Variants in BRSK2 observed in about 807,000 individuals in gnomAD.
BRSK2 encodes the protein BR serine/threonine kinase 2, also known as serine/threonine-protein kinase BRSK2.
Under a neutral mutation model 83.3 loss-of-function variants are expected in BRSK2, and 19 were observed. The ratio of observed to expected loss-of-function variants is 0.23; its 90% CI spans 0.16 to 0.33. BRSK2 has a LOEUF of 0.33. Among genes scored for constraint, BRSK2 ranks in the 10% least tolerant of loss-of-function variants. The pLI is 1.00. For missense variants in BRSK2, 798 were observed against 1,042.3 expected, an observed-to-expected ratio of 0.77 and a Z score of 3.23; for synonymous variants, 519 against 435.4, an observed-to-expected ratio of 1.19 and a Z score of -2.39.
Position 1,436,145 on chromosome 11 carries a change from CCGGGGAGGGAG to C in BRSK2, c.186+12_186+22del. ...TCGGTGCTGATGAAGGTGGGTGGGG[CCGGGGAGGGAG>C]GCGGGGCCGGCGGTGGGGTGGGGCG... On this transcript the variant is annotated intron_variant, in intron 2 of 19. Transcript: ENST00000528841. 1 of 196,990 alleles carries C rather than the reference CCGGGGAGGGAG, an allele frequency of 5.1e-6. No homozygotes were observed. The highest frequency in any genetic ancestry group is 9.7e-6 in the Non-Finnish European group (1 of 103,208). 12.2% of individuals were successfully genotyped at this position (196,990 alleles called of 1,614,324 possible). A position where few individuals can be genotyped will look rare whatever the true frequency, so the allele number is the denominator to read the frequency against.
At position 1,410,037 on chromosome 11, in the gene BRSK2, G is replaced by A. The variant is rs111247399; in HGVS notation, c.91+19662G>A. Among the ~76,000 whole-genome samples the A allele has an allele frequency of 7.8e-3, 63 of 8,092 alleles. 2 individuals carry two copies. The highest frequency in any genetic ancestry group is 0.013 in the Non-Finnish European group (53 of 4,016). 5.3% of individuals were successfully genotyped at this position (8,092 alleles called of 152,430 possible). Reference sequence around the variant, plus strand: ...GACGTCGGCCTCGCAGAGCGGTGACGGTCGCAGAGTCTGTGTTTTGGGGGG... The same window carrying A: ...GACGTCGGCCTCGCAGAGCGGTGACAGTCGCAGAGTCTGTGTTTTGGGGGG... On this transcript the variant is annotated intron_variant, in intron 1 of 19. Coordinates refer to ENST00000528841, the MANE Select transcript of BRSK2 (RefSeq NM_001256627.2).
intron 4 of BRSK2, 30 bp downstream of exon 4, chr11:1,440,958 C>G: frequency 6.3e-7 from 1 of 1,587,086 alleles, no homozygotes; most frequent in South Asian, 1.1e-5. Flanking sequence ...GCCCCCCACT[C>G]CCCAGGGACC....
At position 1,459,172 on chromosome 11, in the gene BRSK2, C is replaced by G. The variant is rs1564891492; in HGVS notation, c.1940-20C>G. The G allele has an allele frequency of 6.2e-7, 1 of 1,613,340 alleles. No individual in the cohort carries two copies. Among genetic ancestry groups the G allele is most frequent in the African/African-American group, 1.3e-5 (1 of 75,034 alleles). Reference sequence around the variant, plus strand: ...GCCTTTCACTCACTCCCTCCCTCCTCTCTCCATTCTGTACTCCAGACACCA... The same window carrying G: ...GCCTTTCACTCACTCCCTCCCTCCTGTCTCCATTCTGTACTCCAGACACCA... On this transcript the variant is annotated intron_variant, in intron 18 of 19. Transcript: ENST00000528841.
At chr11:1,413,005 C>T (rs1049841573) in intron 1 of BRSK2, among the ~76,000 whole-genome samples, 2 of 152,182 alleles carry the variant, frequency 1.3e-5, no homozygotes, top group African/African-American at 4.8e-5. Flanking sequence ...AGGCGCTGCC[C>T]CCGGCACCCC....
At chr11:1,458,619 A>T (rs1846966144) in intron 18 of BRSK2, among the ~76,000 whole-genome samples, 1 of 152,168 alleles carries the variant, frequency 6.6e-6, no homozygotes, top group African/African-American at 2.4e-5. Flanking sequence ...AGGCACAGGC[A>T]GACCAGGGCG....
rs1847448422 is a variant in BRSK2, at chr11:1,461,104, A to G, written c.*381A>G. ...TGAGGCCCAGCCCAGCGCCCCGTCCACCCCGCGGCAGCTCCTCGCCTCAGC... is the reference window on the plus strand; with the variant it reads ...TGAGGCCCAGCCCAGCGCCCCGTCCGCCCCGCGGCAGCTCCTCGCCTCAGC... On this transcript the variant is annotated 3_prime_UTR_variant, in exon 20 of 20. Coordinates refer to ENST00000528841, the MANE Select transcript of BRSK2 (RefSeq NM_001256627.2). 2 of 1,463,362 alleles carry G rather than the reference A, an allele frequency of 1.4e-6. No homozygotes were observed. Among genetic ancestry groups the G allele is most frequent in the Non-Finnish European group, 9.3e-7 (1 of 1,074,436 alleles). 90.6% of individuals were successfully genotyped at this position (1,463,362 alleles called of 1,614,324 possible). A position where few individuals can be genotyped will look rare whatever the true frequency, so the allele number is the denominator to read the frequency against.
At chr11:1,450,533 C>T (rs566182932) in intron 13 of BRSK2, 54 bp from the exon 14 acceptor site, 40 of 911,188 alleles carry the variant, frequency 4.4e-5, no homozygotes, top group Non-Finnish European at 5.9e-5. Flanking sequence ...GGTGCCCCCC[C>T]GGCCCCCACC....
At chr11:1,457,354 G>A (rs549293227) in intron 18 of BRSK2, among the ~76,000 whole-genome samples, 1 of 152,354 alleles carries the variant, frequency 6.6e-6, no homozygotes, top group South Asian at 2.1e-4. Context: ...CAGCAGGGCA[G>A]AGGGGCTTGA....
chr11:1,426,161 G>A (rs992069068), intron 1 of BRSK2, among the ~76,000 whole-genome samples: 18 of 152,154 alleles, frequency 1.2e-4, no homozygotes, highest in Non-Finnish European at 1.5e-5. Flanking sequence ...TGCATGGGAC[G>A]GGCAGGGCCA....
chr11:1,451,953 G>A (rs879277242), intron 15 of BRSK2, among the ~76,000 whole-genome samples: 9 of 152,106 alleles, frequency 5.9e-5, no homozygotes, highest in Non-Finnish European at 1.2e-4. Flanking sequence ...GGACAAAGAT[G>A]TCCCCAGAGA....
chr11:1,443,210 A>G (rs1590591912), intron 6 of BRSK2, 71 bp downstream of exon 6: 1 of 1,520,700 alleles, frequency 6.6e-7, no homozygotes, highest in East Asian at 2.5e-5. Flanking sequence ...GTGGGACCCC[A>G]GCCTGCCGCA....
Position 1,456,518 on chromosome 11 carries a change from C to T in BRSK2, c.1839C>T (p.Thr613=), listed in dbSNP as rs201895495. ...KENGIYSVTF[T]LLSGPSRRFK... ...ACGGCATCTACTCCGTCACCTTCACCCTGCTCTCAGGTGAGCTGGCGCCCC... is the reference window on the plus strand; with the variant it reads ...ACGGCATCTACTCCGTCACCTTCACTCTGCTCTCAGGTGAGCTGGCGCCCC... Residue 613 remains threonine, a synonymous_variant, in exon 17 of 20, where the codon ACC becomes ACT. Transcript: ENST00000528841. The T allele has an allele frequency of 3.2e-5, 50 of 1,585,810 alleles. No individual in the cohort carries two copies. In the African/African-American group the frequency reaches 6.2e-4, roughly 20 times the overall value.
At chr11:1,422,717 G>A (rs1270454558) in intron 1 of BRSK2, among the ~76,000 whole-genome samples, 1 of 152,168 alleles carries the variant, frequency 6.6e-6, no homozygotes, top group Non-Finnish European at 1.5e-5. Flanking sequence ...AGGCAGGCCT[G>A]ACCGTCCAAG....
intron 1 of BRSK2, among the ~76,000 whole-genome samples, chr11:1,409,057 TGTG>T (rs1156812485): frequency 6.6e-6 from 1 of 151,878 alleles, no homozygotes; most frequent in Non-Finnish European, 1.5e-5. Flanking sequence ...TGTACAGGGA[TGTG>T]TGTGTATGTG....
At chr11:1,424,149 TGTG>T (rs1167969869) in intron 1 of BRSK2, among the ~76,000 whole-genome samples, 1 of 152,212 alleles carries the variant, frequency 6.6e-6, no homozygotes, top group East Asian at 1.9e-4. Context: ...CCAGCTGTGA[TGTG>T]GGGCCATGGT....
intron 18 of BRSK2, among the ~76,000 whole-genome samples, chr11:1,458,893 G>T (rs1221232960): frequency 6.6e-6 from 1 of 152,148 alleles, no homozygotes; most frequent in Non-Finnish European, 1.5e-5. Context: ...GCCCACCCAG[G>T]GCACCGGCCA....
intron 1 of BRSK2, among the ~76,000 whole-genome samples, chr11:1,412,427 C>T (rs1409914417): frequency 1.2e-5 from 1 of 81,992 alleles, no homozygotes; most frequent in African/African-American, 4.3e-5. Context: ...CTGCCCCGTC[C>T]TGCGGTGGGT....
chr11:1,411,894 T>A (rs1196310568), intron 1 of BRSK2, among the ~76,000 whole-genome samples: 2 of 152,182 alleles, frequency 1.3e-5, no homozygotes, highest in African/African-American at 4.8e-5. Context: ...CAAAAAGAGC[T>A]CTGCCCCCTG....
At chr11:1,394,975 A>ATGGAGATGGGTCC (rs1191260891) in intron 1 of BRSK2, among the ~76,000 whole-genome samples, 1 of 133,808 alleles carries the variant, frequency 7.5e-6, no homozygotes, top group Non-Finnish European at 1.7e-5. Context: ...GAGATGGGCC[A>ATGGAGATGGGTCC]TGGAGATGGG....
Sources: gnomAD v4.1 joint callset for allele counts (sites outside exome capture counted in the v4.1 genomes callset) on GRCh38, gnomAD v4.1.1 for gene constraint, MANE v1.5 for transcripts, NCBI Gene and HGNC (gene_info 2026-07-23, HGNC 2026-07-21) for gene names.